ENOX1: variants seen among roughly 807,000 people sequenced by gnomAD.
ENOX1 encodes the protein ecto-NOX disulfide-thiol exchanger 1.
In ENOX1, 42 loss-of-function variants were observed where a neutral mutation model predicts 82.5. That is an observed-to-expected ratio of 0.51 (90% confidence interval 0.40 to 0.66). The LOEUF (loss-of-function observed/expected upper bound fraction) is 0.66. Among genes scored for constraint, ENOX1 ranks in the 30% least tolerant of loss-of-function variants. The probability of loss-of-function intolerance (pLI) is 0.00; values close to 1 mark genes in which losing one functional copy is unlikely to be tolerated. For missense variants in ENOX1, 608 were observed against 811.6 expected, an observed-to-expected ratio of 0.75 and a Z score of 3.05; for synonymous variants, 271 against 282.2, an observed-to-expected ratio of 0.96 and a Z score of 0.40.
rs567409369 is a variant in ENOX1 at position 43,713,253 on chromosome 13, T to G, written c.-284-45709A>C. ...TATATTGAACCAGCCTTGCATCCCATGGATGAAGCCCACTTGATCATGGTG... is the reference window on the plus strand; with the variant it reads ...TATATTGAACCAGCCTTGCATCCCAGGGATGAAGCCCACTTGATCATGGTG... On this transcript the variant is annotated intron_variant, in intron 1 of 16. Coordinates refer to ENST00000690772, the MANE Select transcript of ENOX1 (RefSeq NM_001347969.2). Among the ~76,000 whole-genome samples the G allele has an allele frequency of 3.7e-3, 563 of 152,314 alleles. 6 individuals carry two copies. The Middle Eastern group carries it at 0.037, about 10-fold the overall frequency.
At chr13:43,645,968 T>C (rs1190293760) in intron 2 of ENOX1, among the ~76,000 whole-genome samples, 1 of 152,196 alleles carries the variant, frequency 6.6e-6, no homozygotes, top group African/African-American at 2.4e-5. Flanking sequence ...GATAATTTTG[T>C]TTCCTGGCAA....
intron 2 of ENOX1, among the ~76,000 whole-genome samples, chr13:43,578,318 T>C (rs1472914709): frequency 1.3e-5 from 2 of 152,154 alleles, no homozygotes; most frequent in Non-Finnish European, 2.9e-5. Context: ...AACTAAGAAT[T>C]GATGCAAACA....
At chr13:43,456,748 G>T (rs1480653684) in intron 3 of ENOX1, among the ~76,000 whole-genome samples, 1 of 152,162 alleles carries the variant, frequency 6.6e-6, no homozygotes, top group Non-Finnish European at 1.5e-5. Flanking sequence ...TAGGGTTGGG[G>T]AATTGGTAGA....
chr13:43,272,345 C>G (rs548629878), intron 12 of ENOX1, among the ~76,000 whole-genome samples: 1 of 152,276 alleles, frequency 6.6e-6, no homozygotes, highest in East Asian at 1.9e-4. Flanking sequence ...GAGGATTTCC[C>G]TGGGATGCAT....
chr13:43,356,248 T>C (rs2050150205), intron 7 of ENOX1, 96 bp from the exon 8 acceptor site: 5 of 1,026,710 alleles, frequency 4.9e-6, no homozygotes, highest in African/African-American at 4.8e-5. Flanking sequence ...TGCTCACTTA[T>C]TTCTTGGCTG....
In ENOX1 at chr13:43,596,918, A is replaced by G. The variant is rs540945323; in HGVS notation, c.-219+70561T>C. Among the ~76,000 whole-genome samples, 5 of 152,302 alleles carry G rather than the reference A, an allele frequency of 3.3e-5. No individual in the cohort carries two copies. In the East Asian group the frequency reaches 9.7e-4, roughly 29 times the overall value. ...AGCATGCCCCACCCTCATGGAGTGT[A>G]TCAGTCTGTTCTCACACGGCTCTAA... On this transcript the variant is annotated intron_variant, in intron 2 of 16. Coordinates refer to ENST00000690772, the MANE Select transcript of ENOX1 (RefSeq NM_001347969.2).
chr13:43,259,963 C>G (rs955796143), intron 14 of ENOX1, among the ~76,000 whole-genome samples: 7 of 152,164 alleles, frequency 4.6e-5, no homozygotes, highest in Non-Finnish European at 8.8e-5. Flanking sequence ...CCCATTCTTT[C>G]GTACAGGTTG....
chr13:43,300,019 T>C (rs936862581), intron 11 of ENOX1, among the ~76,000 whole-genome samples: 4 of 152,118 alleles, frequency 2.6e-5, no homozygotes, highest in Admixed American at 6.5e-5. Context: ...ATGTTAATAA[T>C]AGTTTTATAG....
At chr13:43,733,899 C>T (rs1358908051) in intron 1 of ENOX1, among the ~76,000 whole-genome samples, 1 of 152,088 alleles carries the variant, frequency 6.6e-6, no homozygotes, top group Non-Finnish European at 1.5e-5. Context: ...TTCAAGGTTA[C>T]AGTGAGCTAT....
At chr13:43,474,278 T>C (rs1172948405) in intron 3 of ENOX1, among the ~76,000 whole-genome samples, 1 of 152,142 alleles carries the variant, frequency 6.6e-6, no homozygotes, top group Non-Finnish European at 1.5e-5. Context: ...GCCCTTGAAA[T>C]GAAACATCAC....
chr13:43,221,450 A>AAG (rs2041784902), intron 16 of ENOX1, among the ~76,000 whole-genome samples: 1 of 152,152 alleles, frequency 6.6e-6, no homozygotes, highest in Non-Finnish European at 1.5e-5. Flanking sequence ...GCCTATTTTA[A>AAG]AGAGTTTGCC....
chr13:43,621,720 A>G (rs1284530427), intron 2 of ENOX1, among the ~76,000 whole-genome samples: 1 of 152,170 alleles, frequency 6.6e-6, no homozygotes, highest in Admixed American at 6.5e-5. Context: ...TAACCTGATG[A>G]CAATGTGCCT....
At chr13:43,501,799 A>AG (rs897370145) in intron 2 of ENOX1, among the ~76,000 whole-genome samples, 11 of 151,056 alleles carry the variant, frequency 7.3e-5, no homozygotes, top group African/African-American at 2.7e-4. Context: ...TAACAAAAAA[A>AG]AAAAAGCTAA....
chr13:43,466,050 C>T (rs998279311), intron 3 of ENOX1, among the ~76,000 whole-genome samples: 4 of 152,132 alleles, frequency 2.6e-5, no homozygotes, highest in Non-Finnish European at 5.9e-5. Context: ...TTCTCATGAT[C>T]CCTTGTATTT....
chr13:43,637,790 T>C (rs1350594174), intron 2 of ENOX1, among the ~76,000 whole-genome samples: 1 of 152,200 alleles, frequency 6.6e-6, no homozygotes, highest in South Asian at 2.1e-4. Context: ...AGTCTCTAAT[T>C]GTTCCCTAAC....
chr13:43,487,683 A>C (rs1024806037), intron 2 of ENOX1, among the ~76,000 whole-genome samples: 1 of 152,314 alleles, frequency 6.6e-6, no homozygotes, highest in African/African-American at 2.4e-5. Context: ...TTGAGACTCA[A>C]ATCTCCAATG....
chr13:43,318,004 C>CAAA (rs544967783), intron 11 of ENOX1, among the ~76,000 whole-genome samples: 19 of 129,330 alleles, frequency 1.5e-4, no homozygotes, highest in African/African-American at 4.9e-4. Context: ...GACTCCGTCT[C>CAAA]AAAAAAAAAA....
intron 2 of ENOX1, among the ~76,000 whole-genome samples, chr13:43,541,173 G>GTTTTTTTTCTTTTTTTTTTTTTTTTTTT (rs2078697780): frequency 3.1e-5 from 2 of 64,574 alleles, no homozygotes; most frequent in Non-Finnish European, 6.4e-5. Flanking sequence ...TCTTCCCTCT[G>GTTTTTTTTCTTTTTTTTTTTTTTTTTTT]TTTTTTTTTT....
intron 2 of ENOX1, among the ~76,000 whole-genome samples, chr13:43,570,793 G>C (rs2080143725): frequency 6.6e-6 from 1 of 152,130 alleles, no homozygotes; most frequent in African/African-American, 2.4e-5. Context: ...GGATGGAAAG[G>C]TGTGGTGAGA....
Sources: gnomAD v4.1 joint callset for allele counts (sites outside exome capture counted in the v4.1 genomes callset) on GRCh38, gnomAD v4.1.1 for gene constraint, MANE v1.5 for transcripts, NCBI Gene and HGNC (gene_info 2026-07-23, HGNC 2026-07-21) for gene names.